ZNF831: variants seen among roughly 807,000 people sequenced by gnomAD.
ZNF831 encodes chromosome 20 open reading frame 174.
A neutral mutation model predicts 95.8 loss-of-function variants in ZNF831; 59 were observed. The ratio of observed to expected loss-of-function variants is 0.62; its 90% CI spans 0.50 to 0.77. The LOEUF (loss-of-function observed/expected upper bound fraction) is 0.77, where lower values mean the gene tolerates loss of function less well. Among genes scored for constraint, ZNF831 ranks in the 30% least tolerant of loss-of-function variants. The pLI, the probability that ZNF831 is intolerant of heterozygous loss-of-function variation, is 0.00. For synonymous variants in ZNF831, 961 were observed against 925.5 expected, an observed-to-expected ratio of 1.04 and a Z score of -0.70; for missense variants, 2,205 against 2,164.0, an observed-to-expected ratio of 1.02 and a Z score of -0.38.
At chr20:59,253,578 G>T (rs771223654) in intron 5 of ZNF831, among the ~76,000 whole-genome samples, 4 of 152,108 alleles carry the variant, frequency 2.6e-5, no homozygotes, top group African/African-American at 9.7e-5. Flanking sequence ...TAGTACATCC[G>T]CTTCATGAGC....
chr20:59,197,078 G>A (rs1984176059), intron 3 of ZNF831, among the ~76,000 whole-genome samples: 1 of 152,022 alleles, frequency 6.6e-6, no homozygotes, highest in South Asian at 2.1e-4. Flanking sequence ...GTGAGCCACT[G>A]CACTGTCAGT....
intron 4 of ZNF831, among the ~76,000 whole-genome samples, chr20:59,245,488 A>T (rs948180403): frequency 6.6e-6 from 1 of 152,064 alleles, no homozygotes; most frequent in Non-Finnish European, 1.5e-5. Flanking sequence ...GGGTTTCTCA[A>T]CCTGGGCACT....
At position 59,229,255 on chromosome 20, in the gene ZNF831, G is replaced by A. The variant is rs114254576; in HGVS notation, c.4027+22199G>A. Among the ~76,000 whole-genome samples, 1,011 of 152,128 alleles carry A rather than the reference G, an allele frequency of 6.6e-3. 10 individuals carry two copies. The highest frequency in any genetic ancestry group is 0.023 in the African/African-American group (951 of 41,398). The stretch of plus-strand genomic sequence containing the variant: ...CCACATCTTGGCTGTTGTGAATAGC[G>A]TGGCAGTAAACATGGGAGTGCAACT... On this transcript the variant is annotated intron_variant, in intron 4 of 5. Transcript: ENST00000371030.
intron 1 of ZNF831, among the ~76,000 whole-genome samples, chr20:59,145,130 C>A (rs962443522): frequency 1.3e-5 from 2 of 152,186 alleles, no homozygotes; most frequent in African/African-American, 4.8e-5. Context: ...CATTGATAAC[C>A]ATGTGTGGCA....
chr20:59,162,348 T>C (rs6026736), upstream of ZNF831, among the ~76,000 whole-genome samples: 4 of 152,282 alleles, frequency 2.6e-5, no homozygotes, highest in African/African-American at 9.6e-5. Flanking sequence ...TTCAGAAGAG[T>C]ATTTCCTTGG....
In ZNF831 at chr20:59,193,942, G is replaced by A. The variant is rs781616485; in HGVS notation, c.2923G>A (p.Glu975Lys). ...DSLCSSGWPE[E>K]RASFVGSGLG... The stretch of plus-strand genomic sequence containing the variant: ...TCTCTGCAGCAGTGGGTGGCCTGAA[G>A]AACGGGCATCATTTGTTGGGTCAGG... The change falls in exon 2 of 6, where the codon GAA becomes AAA. Residue 975 changes from glutamate to lysine, a missense_variant. Coordinates refer to ENST00000371030, the MANE Select transcript of ZNF831 (RefSeq NM_178457.3). 7 of 1,585,390 alleles carry A rather than the reference G, an allele frequency of 4.4e-6. No homozygotes were observed. Among genetic ancestry groups the A allele is most frequent in the Admixed American group, 1.8e-5 (1 of 57,124 alleles).
chr20:59,232,448 C>T (rs561905486), intron 4 of ZNF831, among the ~76,000 whole-genome samples: 5 of 151,766 alleles, frequency 3.3e-5, no homozygotes, highest in Middle Eastern at 6.9e-3. Context: ...GGAGATTTTC[C>T]GTAAAGCCTG....
intron 4 of ZNF831, among the ~76,000 whole-genome samples, chr20:59,229,290 G>A (rs750985402): frequency 1.3e-5 from 2 of 152,174 alleles, no homozygotes; most frequent in Admixed American, 1.3e-4. Context: ...TATCTCTTTG[G>A]TATAATGATT....
At chr20:59,183,776 G>A (rs1982804680) in intron 1 of ZNF831, among the ~76,000 whole-genome samples, 1 of 152,182 alleles carries the variant, frequency 6.6e-6, no homozygotes, top group African/African-American at 2.4e-5. Flanking sequence ...AGAAAAATGA[G>A]GAGAAAGTAC....
chr20:59,184,195 G>A (rs576898943), intron 1 of ZNF831, among the ~76,000 whole-genome samples: 2 of 152,274 alleles, frequency 1.3e-5, no homozygotes, highest in South Asian at 4.1e-4. Context: ...TCTTTCTGTG[G>A]CTTGCCAGCT....
chr20:59,249,228 G>A (rs1208850486), intron 4 of ZNF831, among the ~76,000 whole-genome samples: 1 of 152,024 alleles, frequency 6.6e-6, no homozygotes, highest in African/African-American at 2.4e-5. Flanking sequence ...AGTCCTCCCT[G>A]GCTACTCTTT....
chr20:59,174,229 G>A (rs1331907922), intron 1 of ZNF831, among the ~76,000 whole-genome samples: 1 of 152,150 alleles, frequency 6.6e-6, no homozygotes, highest in Non-Finnish European at 1.5e-5. Context: ...CTGGCTTTAC[G>A]CGGCTTTAGT....
chr20:59,172,625 G>C (rs1297142210), intron 1 of ZNF831, among the ~76,000 whole-genome samples: 1 of 152,172 alleles, frequency 6.6e-6, no homozygotes, highest in Non-Finnish European at 1.5e-5. Flanking sequence ...TGTCATGCCA[G>C]GGAAGCTCCA....
At chr20:59,183,427 T>C (rs558624529) in intron 1 of ZNF831, among the ~76,000 whole-genome samples, 24 of 152,320 alleles carry the variant, frequency 1.6e-4, no homozygotes, top group African/African-American at 5.5e-4. Context: ...ACCATACCAC[T>C]CAGGTGTGCG....
At chr20:59,133,580 G>A (rs897320548) in intron 1 of ZNF831, among the ~76,000 whole-genome samples, 3 of 152,180 alleles carry the variant, frequency 2.0e-5, no homozygotes, top group Non-Finnish European at 4.4e-5. Flanking sequence ...TTGCCAAGGA[G>A]GAAAAGGGAA....
intron 1 of ZNF831, among the ~76,000 whole-genome samples, chr20:59,142,351 G>C (rs1421411014): frequency 6.6e-6 from 1 of 152,206 alleles, no homozygotes; most frequent in Non-Finnish European, 1.5e-5. Flanking sequence ...GCCTGGGAAG[G>C]ATGGGAAACT....
intron 1 of ZNF831, among the ~76,000 whole-genome samples, chr20:59,185,938 T>TCTC (rs11471827): frequency 0.085 from 12,953 of 152,154 alleles, 1,523 homozygotes; most frequent in African/African-American, 0.26. Context: ...GCTCACCTAT[T>TCTC]CTCCGACTCA....
rs2146601648 is a variant in ZNF831, at chr20:59,194,566, C to A, written c.3547C>A (p.Leu1183Ile). The change falls in exon 2 of 6, where the codon CTC becomes ATC. Residue 1183 changes from leucine (L) to isoleucine (I), a missense_variant. Coordinates refer to ENST00000371030, the MANE Select transcript of ZNF831 (RefSeq NM_178457.3). ...TCCCTCACTGAAGGCTGAGCCGCGGCTCACGTGGTGTTGCCTGAGCCGCAG... is the reference window on the plus strand; with the variant it reads ...TCCCTCACTGAAGGCTGAGCCGCGGATCACGTGGTGTTGCCTGAGCCGCAG... ...PFPSLKAEPRLTWCCLSRSVP... is the reference protein window; with the variant it reads ...PFPSLKAEPRITWCCLSRSVP... The A allele has an allele frequency of 6.2e-7, 1 of 1,607,404 alleles. No individual in the cohort carries two copies. The highest frequency in any genetic ancestry group is 2.2e-5 in the East Asian group (1 of 44,828).
intron 4 of ZNF831, among the ~76,000 whole-genome samples, chr20:59,210,094 A>T (rs1488589301): frequency 6.6e-6 from 1 of 152,204 alleles, no homozygotes; most frequent in Admixed American, 6.5e-5. Context: ...GTGGCCTTAA[A>T]ATGTGTTTGT....
Sources: gnomAD v4.1 joint callset for allele counts (sites outside exome capture counted in the v4.1 genomes callset) on GRCh38, gnomAD v4.1.1 for gene constraint, MANE v1.5 for transcripts, NCBI Gene and HGNC (gene_info 2026-07-23, HGNC 2026-07-21) for gene names.